The following GRIN2A variants were observed in gnomAD, a reference collection of about 807,000 sequenced individuals.
GRIN2A encodes the protein glutamate receptor ionotropic, NMDA 2A.
Under a neutral mutation model 113.4 loss-of-function variants are expected in GRIN2A, and 22 were observed. That is an observed-to-expected ratio of 0.19 (90% CI 0.14 to 0.28). GRIN2A has a LOEUF of 0.28. Ranked by LOEUF, GRIN2A falls within the 10% of genes least tolerant of loss-of-function variation. GRIN2A has a pLI of 1.00. For missense variants in GRIN2A, 1,502 were observed against 1,887.0 expected, an observed-to-expected ratio of 0.80 and a Z score of 3.78; for synonymous variants, 827 against 738.4, an observed-to-expected ratio of 1.12 and a Z score of -1.94.
chr16:9,874,362 C>T (rs776939347), intron 4 of GRIN2A, among the ~76,000 whole-genome samples: 1 of 152,118 alleles, frequency 6.6e-6, no homozygotes, highest in Admixed American at 6.5e-5. Context: ...AATGCTGATT[C>T]GTTTTGCACA....
chr16:9,886,202 C>T (rs1484815114), intron 4 of GRIN2A, among the ~76,000 whole-genome samples: 1 of 151,966 alleles, frequency 6.6e-6, no homozygotes, highest in Non-Finnish European at 1.5e-5. Flanking sequence ...GGTTGAAAAC[C>T]CCAAAATGCA....
At chr16:9,992,011 T>C (rs1340018676) in intron 2 of GRIN2A, among the ~76,000 whole-genome samples, 2 of 152,126 alleles carry the variant, frequency 1.3e-5, no homozygotes, top group Non-Finnish European at 2.9e-5. Context: ...GGCACATGTA[T>C]ACCTATGTAA....
At chr16:10,003,278 G>A (rs781411612) in intron 2 of GRIN2A, among the ~76,000 whole-genome samples, 13 of 152,090 alleles carry the variant, frequency 8.5e-5, no homozygotes, top group South Asian at 2.1e-4. Flanking sequence ...TGGTCAAAAG[G>A]GTGGTAGAAG....
At chr16:9,888,860 T>C (rs1186346235) in intron 4 of GRIN2A, among the ~76,000 whole-genome samples, 2 of 152,100 alleles carry the variant, frequency 1.3e-5, no homozygotes, top group African/African-American at 2.4e-5. Flanking sequence ...TCTATTGAAA[T>C]GACCATATTT....
chr16:9,800,063 C>A (rs1028125779), intron 10 of GRIN2A, among the ~76,000 whole-genome samples: 2 of 152,028 alleles, frequency 1.3e-5, no homozygotes, highest in African/African-American at 4.8e-5. Context: ...CAACCTCCAC[C>A]TCCTGGGTTC....
At chr16:10,078,399 G>A (rs2047916031) in intron 2 of GRIN2A, among the ~76,000 whole-genome samples, 1 of 152,042 alleles carries the variant, frequency 6.6e-6, no homozygotes, top group Non-Finnish European at 1.5e-5. Context: ...AGCCACACAT[G>A]TAGAATGTTC....
chr16:9,898,602 C>A (rs1475359156), intron 3 of GRIN2A, among the ~76,000 whole-genome samples: 1 of 152,110 alleles, frequency 6.6e-6, no homozygotes, highest in Non-Finnish European at 1.5e-5. Context: ...GGTTAATTTT[C>A]CATCTACTTT....
intron 4 of GRIN2A, among the ~76,000 whole-genome samples, chr16:9,868,141 C>T (rs751460053): frequency 1.3e-5 from 2 of 152,196 alleles, no homozygotes; most frequent in African/African-American, 2.4e-5. Flanking sequence ...TTTCCTAACT[C>T]ACAGCCACCA....
At chr16:10,110,317 G>C (rs1471500925) in intron 2 of GRIN2A, among the ~76,000 whole-genome samples, 1 of 152,200 alleles carries the variant, frequency 6.6e-6, no homozygotes, top group African/African-American at 2.4e-5. Flanking sequence ...TGAGACTGGA[G>C]AATAGACAAG....
At chr16:9,911,454 C>G (rs549357158) in intron 3 of GRIN2A, among the ~76,000 whole-genome samples, 5 of 152,298 alleles carry the variant, frequency 3.3e-5, no homozygotes, top group African/African-American at 7.2e-5. Flanking sequence ...TGTTAGCGAT[C>G]TTGGGCAAGT....
At chr16:10,080,944 G>A (rs563846029) in intron 2 of GRIN2A, among the ~76,000 whole-genome samples, 5 of 152,102 alleles carry the variant, frequency 3.3e-5, no homozygotes, top group African/African-American at 7.2e-5. Flanking sequence ...GAATATCTTC[G>A]CCTCCCTGTT....
intron 3 of GRIN2A, among the ~76,000 whole-genome samples, chr16:9,894,819 A>T (rs549774311): frequency 1.3e-5 from 2 of 152,302 alleles, no homozygotes; most frequent in South Asian, 4.1e-4. Context: ...CCACCCATCC[A>T]TACATTCATC....
At chr16:10,099,981 C>T (rs1461900955) in intron 2 of GRIN2A, among the ~76,000 whole-genome samples, 1 of 152,172 alleles carries the variant, frequency 6.6e-6, no homozygotes, top group Non-Finnish European at 1.5e-5. Flanking sequence ...AAAGCAACAT[C>T]ACAAATTGTA....
chr16:10,035,476 C>T (rs1362253047), intron 2 of GRIN2A, among the ~76,000 whole-genome samples: 1 of 152,198 alleles, frequency 6.6e-6, no homozygotes, highest in Admixed American at 6.5e-5. Context: ...TGGCTCCTTT[C>T]AAAGCCCTTA....
At chr16:10,055,047 CA>C (rs71133304) in intron 2 of GRIN2A, among the ~76,000 whole-genome samples, 18 of 10,388 alleles carry the variant, frequency 1.7e-3, no homozygotes, top group Non-Finnish European at 2.3e-3. Context: ...GACTCTATCT[CA>C]AAAAAAAAAA....
chr16:9,890,727 T>C (rs2043676312), intron 4 of GRIN2A, among the ~76,000 whole-genome samples: 1 of 152,196 alleles, frequency 6.6e-6, no homozygotes, highest in Non-Finnish European at 1.5e-5. Flanking sequence ...AAATTATCCT[T>C]AGTTCAGACC....
At chr16:10,045,914 G>C (rs2047249654) in intron 2 of GRIN2A, among the ~76,000 whole-genome samples, 1 of 152,184 alleles carries the variant, frequency 6.6e-6, no homozygotes, top group African/African-American at 2.4e-5. Flanking sequence ...TCTTTGCTGG[G>C]TGGGCTGTCC....
chr16:10,098,533 G>A (rs60361910), intron 2 of GRIN2A, among the ~76,000 whole-genome samples: 28,893 of 151,934 alleles, frequency 0.19, 3,148 homozygotes, highest in African/African-American at 0.3. Flanking sequence ...ATTCACAAAT[G>A]CAAAAATATG....
intron 3 of GRIN2A, among the ~76,000 whole-genome samples, chr16:9,921,295 G>A (rs2044354061): frequency 6.6e-6 from 1 of 152,166 alleles, no homozygotes; most frequent in African/African-American, 2.4e-5. Context: ...CTAAAGACAA[G>A]CAAATGTCTC....
Sources: gnomAD v4.1 joint callset for allele counts (sites outside exome capture counted in the v4.1 genomes callset) on GRCh38, gnomAD v4.1.1 for gene constraint, MANE v1.5 for transcripts, NCBI Gene and HGNC (gene_info 2026-07-23, HGNC 2026-07-21) for gene names.